The following ANO3 variants were observed in gnomAD, a reference collection of about 807,000 sequenced individuals.
ANO3 encodes the protein anoctamin-3.
A neutral mutation model predicts 144.8 loss-of-function variants in ANO3; 99 were observed. That is an observed-to-expected ratio of 0.68 (90% CI 0.58 to 0.81). The LOEUF (loss-of-function observed/expected upper bound fraction) is 0.81. ANO3 is among the 30% of genes least tolerant of loss of function. The probability of loss-of-function intolerance (pLI) is 0.00; values close to 1 mark genes in which losing one functional copy is unlikely to be tolerated. For missense variants in ANO3, 905 were observed against 1,202.2 expected (o/e 0.75, Z 3.66); for synonymous variants, 414 against 392.6 (o/e 1.05, Z -0.64).
intron 6 of ANO3, among the ~76,000 whole-genome samples, chr11:26,520,622 C>T (rs989441605): frequency 3.3e-5 from 5 of 151,924 alleles, no homozygotes; most frequent in African/African-American, 1.2e-4. Context: ...TATACTGTGA[C>T]CAAATTTGTT....
rs554909062 is a variant in ANO3 at position 26,639,282 on chromosome 11, A to G, written c.2141+41A>G. The G allele has an allele frequency of 1.1e-5, 17 of 1,492,580 alleles. No homozygotes were observed. In the South Asian group the frequency reaches 1.2e-4, roughly 11 times the overall value. The allele number at this position is 1,492,580 out of a possible 1,614,324, so 92.5% of individuals were successfully genotyped here. A position where few individuals can be genotyped will look rare whatever the true frequency, so the allele number is the denominator to read the frequency against. ...TCAAACTTGCCTTATGTCTAGTTACAAAGAGGAAAGCTAGAGGTGGCGTGA... is the reference window on the plus strand; with the variant it reads ...TCAAACTTGCCTTATGTCTAGTTACGAAGAGGAAAGCTAGAGGTGGCGTGA... On this transcript the variant is annotated intron_variant, in intron 21 of 26. Transcript: ENST00000256737.
chr11:26,396,181 T>A (rs528976949), intron 1 of ANO3, among the ~76,000 whole-genome samples: 3 of 152,130 alleles, frequency 2.0e-5, no homozygotes, highest in Admixed American at 6.5e-5. Flanking sequence ...AACAAACATA[T>A]GAAAGAAAGC....
intron 17 of ANO3, 108 bp downstream of exon 17, chr11:26,599,822 C>A: frequency 2.2e-6 from 2 of 892,416 alleles, no homozygotes; most frequent in Non-Finnish European, 3.2e-6. Context: ...CAAAATAAGA[C>A]CAAGCCACAT....
intron 14 of ANO3, among the ~76,000 whole-genome samples, chr11:26,595,016 G>A (rs1475129018): frequency 1.3e-5 from 2 of 152,100 alleles, no homozygotes; most frequent in Non-Finnish European, 2.9e-5. Context: ...ACATCTTAGG[G>A]GCATTTTTGC....
At chr11:26,494,728 C>T (rs974579461) in intron 4 of ANO3, among the ~76,000 whole-genome samples, 13 of 152,246 alleles carry the variant, frequency 8.5e-5, no homozygotes, top group South Asian at 2.1e-4. Context: ...GCTCCTAGAA[C>T]GGAAGGGATT....
At chr11:26,402,349 T>A (rs1361785024) in intron 1 of ANO3, among the ~76,000 whole-genome samples, 1 of 152,006 alleles carries the variant, frequency 6.6e-6, no homozygotes, top group Non-Finnish European at 1.5e-5. Flanking sequence ...GTGTGAGATG[T>A]TATCTCATTG....
intron 1 of ANO3, among the ~76,000 whole-genome samples, chr11:26,297,797 C>T (rs886656391): frequency 1.7e-4 from 26 of 152,154 alleles, no homozygotes; most frequent in African/African-American, 6.0e-4. Context: ...CACAACAATG[C>T]AATGAGGCAG....
intron 1 of ANO3, among the ~76,000 whole-genome samples, chr11:26,275,831 T>C (rs1853547279): frequency 6.6e-6 from 1 of 152,164 alleles, no homozygotes; most frequent in Admixed American, 6.6e-5. Context: ...CTTTCTTGTC[T>C]CCTTTTTAGC....
At chr11:26,559,965 C>A (rs1402357574) in intron 14 of ANO3, 186 bp downstream of exon 14, 3 of 470,218 alleles carry the variant, frequency 6.4e-6, no homozygotes, top group South Asian at 4.8e-5. Context: ...GAATTTAACT[C>A]TTGATCTCAT....
rs1458370257 is a variant in ANO3 at position 26,598,872 on chromosome 11, C to G, written c.1545C>G (p.Pro515=). ...EWEEEEETLR[P]QFEAKYYKME... ...TTCTCTCATAGGAAACACTTCGTCCCCAGTTTGAAGCCAAGTATTACAAGA... is the reference window on the plus strand; with the variant it reads ...TTCTCTCATAGGAAACACTTCGTCCGCAGTTTGAAGCCAAGTATTACAAGA... Residue 515 remains proline (P), a synonymous_variant, in exon 16 of 27, where the codon CCC becomes CCG. Coordinates refer to ENST00000256737, the MANE Select transcript of ANO3 (RefSeq NM_031418.4). The G allele has an allele frequency of 3.1e-6, 5 of 1,612,816 alleles. No individual in the cohort carries two copies. Among genetic ancestry groups the G allele is most frequent in the Non-Finnish European group, 4.2e-6 (5 of 1,179,592 alleles).
At chr11:26,378,849 G>A (rs1856493334) in intron 1 of ANO3, among the ~76,000 whole-genome samples, 1 of 151,844 alleles carries the variant, frequency 6.6e-6, no homozygotes, top group Non-Finnish European at 1.5e-5. Context: ...TATGATGTAA[G>A]GTGCTTGGCA....
At chr11:26,443,896 C>A in intron 3 of ANO3, 60 bp downstream of exon 3, 2 of 1,184,536 alleles carry the variant, frequency 1.7e-6, no homozygotes, top group Non-Finnish European at 2.4e-6. Flanking sequence ...AAGCTGTGTT[C>A]TTCTAAAAAA....
At position 26,419,764 on chromosome 11, in the gene ANO3, A is replaced by T. The variant is rs561426260; in HGVS notation, c.47-22154A>T. Among the ~76,000 whole-genome samples, 135 of 152,232 alleles carry T rather than the reference A, an allele frequency of 8.9e-4. 1 individual carries two copies. Among genetic ancestry groups the T allele is most frequent in the African/African-American group, 2.9e-3 (121 of 41,556 alleles). ...AACATATAGCAAGGAAAATGAGCTT[A>T]TTTGGGGTAGGGTATGTGACTTTGA... On this transcript the variant is annotated intron_variant, in intron 1 of 26. Coordinates refer to ENST00000256737, the MANE Select transcript of ANO3 (RefSeq NM_031418.4).
At chr11:26,365,695 G>T (rs1856050241) in intron 1 of ANO3, among the ~76,000 whole-genome samples, 2 of 152,158 alleles carry the variant, frequency 1.3e-5, no homozygotes, top group Non-Finnish European at 2.9e-5. Flanking sequence ...AGCCAGAGCA[G>T]CTGGGATATG....
chr11:26,520,956 T>C (rs1463880320), intron 6 of ANO3, among the ~76,000 whole-genome samples: 2 of 152,192 alleles, frequency 1.3e-5, no homozygotes, highest in East Asian at 1.9e-4. Flanking sequence ...CATGTAATAC[T>C]GGTGTTCTTG....
intron 17 of ANO3, among the ~76,000 whole-genome samples, chr11:26,619,902 A>G (rs576131155): frequency 6.6e-6 from 1 of 152,260 alleles, no homozygotes; most frequent in South Asian, 2.1e-4. Flanking sequence ...TTAGAAAATC[A>G]TTAAGAGAGC....
At chr11:26,230,895 T>G (rs536011438) in intron 1 of ANO3, among the ~76,000 whole-genome samples, 2 of 149,696 alleles carry the variant, frequency 1.3e-5, no homozygotes, top group African/African-American at 4.9e-5. Context: ...TTCTTTTTTT[T>G]TTTTTTTCTT....
chr11:26,439,934 T>A (rs1047657600), intron 1 of ANO3, among the ~76,000 whole-genome samples: 10 of 152,184 alleles, frequency 6.6e-5, no homozygotes, highest in African/African-American at 2.4e-4. Flanking sequence ...TTTATGTAAT[T>A]TGCTTGTATA....
At chr11:26,566,928 C>G in intron 14 of ANO3, 1 of 852,772 alleles carries the variant, frequency 1.2e-6, no homozygotes, top group South Asian at 5.4e-5. Flanking sequence ...GCACTCTAAA[C>G]AAGATCTAGC....
Sources: gnomAD v4.1 joint callset for allele counts (sites outside exome capture counted in the v4.1 genomes callset) on GRCh38, gnomAD v4.1.1 for gene constraint, MANE v1.5 for transcripts, NCBI Gene and HGNC (gene_info 2026-07-23, HGNC 2026-07-21) for gene names.